The following CYFIP2 variants were observed in gnomAD, a reference collection of about 807,000 sequenced individuals.
CYFIP2 encodes cytoplasmic FMR1 interacting protein 2.
In CYFIP2, 29 loss-of-function variants were observed where a neutral mutation model predicts 158.7. The observed-to-expected ratio is 0.18, with a 90% CI of 0.14 to 0.25. The LOEUF (loss-of-function observed/expected upper bound fraction) is 0.25. Ranked by LOEUF, CYFIP2 falls within the 10% of genes least tolerant of loss-of-function variation. The pLI, the probability that CYFIP2 is intolerant of heterozygous loss-of-function variation, is 1.00. For synonymous variants in CYFIP2, 585 were observed against 617.6 expected (o/e 0.95, Z 0.78); for missense variants, 852 against 1,639.5 (o/e 0.52, Z 8.29).
intron 1 of CYFIP2, among the ~76,000 whole-genome samples, chr5:157,274,513 A>G (rs1292115236): frequency 6.6e-6 from 1 of 152,178 alleles, no homozygotes; most frequent in Non-Finnish European, 1.5e-5. Flanking sequence ...TAGCTATTAC[A>G]AATAATGGTG....
At chr5:157,270,972 T>C (rs2113803339) in intron 1 of CYFIP2, among the ~76,000 whole-genome samples, 1 of 152,298 alleles carries the variant, frequency 6.6e-6, no homozygotes, top group East Asian at 1.9e-4. Context: ...TTCTTAGCAA[T>C]CCAAAGAATT....
At chr5:157,392,110 T>A (rs1418814193) in intron 30 of CYFIP2, among the ~76,000 whole-genome samples, 2 of 152,204 alleles carry the variant, frequency 1.3e-5, no homozygotes, top group Admixed American at 1.3e-4. Flanking sequence ...TTTAATTGAG[T>A]CATTTTTGTT....
intron 2 of CYFIP2, among the ~76,000 whole-genome samples, chr5:157,285,930 T>C (rs1757340607): frequency 6.6e-6 from 1 of 152,226 alleles, no homozygotes; most frequent in Non-Finnish European, 1.5e-5. Flanking sequence ...GAGCAAAGCT[T>C]GTGATAAACC....
intron 28 of CYFIP2, among the ~76,000 whole-genome samples, chr5:157,388,367 CAAAG>C (rs1352041385): frequency 6.6e-6 from 1 of 152,136 alleles, no homozygotes; most frequent in Non-Finnish European, 1.5e-5. Flanking sequence ...TTGTAACTGT[CAAAG>C]AAGCACTTCT....
chr5:157,388,141 C>T (rs933970701), intron 28 of CYFIP2, among the ~76,000 whole-genome samples: 70 of 152,186 alleles, frequency 4.6e-4, no homozygotes, highest in African/African-American at 1.6e-3. Context: ...CCTTTTTTAG[C>T]TTTGTTCACA....
chr5:157,389,151 G>A, intron 28 of CYFIP2, 38 bp from the exon 29 acceptor site: 3 of 1,555,286 alleles, frequency 1.9e-6, no homozygotes, highest in Non-Finnish European at 1.7e-6. Context: ...TGGGCTCTAA[G>A]ATGTGGATAG....
intron 23 of CYFIP2, among the ~76,000 whole-genome samples, chr5:157,353,997 G>A (rs989201848): frequency 1.3e-5 from 2 of 152,120 alleles, no homozygotes; most frequent in Non-Finnish European, 2.9e-5. Flanking sequence ...TTTAAACATG[G>A]CTAAAATGGT....
chr5:157,275,854 G>A (rs995596451), intron 1 of CYFIP2, among the ~76,000 whole-genome samples: 1 of 152,114 alleles, frequency 6.6e-6, no homozygotes, highest in African/African-American at 2.4e-5. Flanking sequence ...CAGAGTGTAT[G>A]TTTTGTACTT....
At chr5:157,390,722 C>T in intron 30 of CYFIP2, 54 bp downstream of exon 30, 1 of 1,553,026 alleles carries the variant, frequency 6.4e-7, no homozygotes, top group Non-Finnish European at 8.7e-7. Context: ...GACAACCAGG[C>T]TTTTACCAGA....
intron 23 of CYFIP2, chr5:157,342,872 C>T (rs1762376278): frequency 1.9e-6 from 3 of 1,611,676 alleles, no homozygotes; most frequent in East Asian, 4.5e-5. Context: ...TCATTCCCCA[C>T]AATGAGGCAG....
chr5:157,275,924 G>A (rs1756507162), intron 1 of CYFIP2, among the ~76,000 whole-genome samples: 1 of 152,244 alleles, frequency 6.6e-6, no homozygotes, highest in African/African-American at 2.4e-5. Context: ...AAATAGAACT[G>A]TTTTCTCCAT....
intron 8 of CYFIP2, among the ~76,000 whole-genome samples, chr5:157,306,196 C>T (rs1759205472): frequency 6.6e-6 from 1 of 152,168 alleles, no homozygotes; most frequent in South Asian, 2.1e-4. Flanking sequence ...TGTTGGTGCT[C>T]CTGTTTTACA....
intron 3 of CYFIP2, among the ~76,000 whole-genome samples, chr5:157,292,559 T>G (rs1757912174): frequency 1.3e-5 from 2 of 152,322 alleles, no homozygotes; most frequent in East Asian, 3.9e-4. Flanking sequence ...GTAGCGTGTA[T>G]TGGTAGTTCG....
intron 23 of CYFIP2, among the ~76,000 whole-genome samples, chr5:157,352,802 A>C (rs948831827): frequency 6.6e-6 from 1 of 152,174 alleles, no homozygotes; most frequent in Non-Finnish European, 1.5e-5. Flanking sequence ...TGAGATGGGA[A>C]GATAATCCTG....
chr5:157,319,462 T>C (rs746267474), intron 13 of CYFIP2, among the ~76,000 whole-genome samples: 9 of 152,204 alleles, frequency 5.9e-5, no homozygotes, highest in Non-Finnish European at 1.2e-4. Flanking sequence ...TTGTCAGCAG[T>C]GAACAACAAA....
intron 26 of CYFIP2, among the ~76,000 whole-genome samples, chr5:157,368,210 A>AGAAGT (rs1764610647): frequency 6.6e-6 from 1 of 152,220 alleles, no homozygotes; most frequent in Non-Finnish European, 1.5e-5. Flanking sequence ...GGGGCACGGG[A>AGAAGT]GAAGTGTCTC....
intron 18 of CYFIP2, among the ~76,000 whole-genome samples, chr5:157,327,246 T>C: frequency 6.6e-6 from 1 of 152,184 alleles, no homozygotes; most frequent in East Asian, 1.9e-4. Flanking sequence ...AGGAAGGCGC[T>C]TTTAAATGTG....
intron 19 of CYFIP2, among the ~76,000 whole-genome samples, chr5:157,329,965 T>C (rs942258558): frequency 3.5e-4 from 53 of 152,260 alleles, no homozygotes; most frequent in African/African-American, 1.2e-3. Context: ...TTTTGCACCA[T>C]GCTCTCCAAC....
rs1220673624 is a variant in CYFIP2, at chr5:157,361,983, TTA to T, written c.3039+386_3039+387del. Among the ~76,000 whole-genome samples, 1 of 152,184 alleles carries T rather than the reference TTA, an allele frequency of 6.6e-6. No homozygotes were observed. Among genetic ancestry groups the T allele is most frequent in the Non-Finnish European group, 1.5e-5 (1 of 68,036 alleles). On this transcript the variant is annotated intron_variant, in intron 26 of 30. Coordinates refer to ENST00000620254, the MANE Select transcript of CYFIP2 (RefSeq NM_001037333.3). This position sits in a 1 kb window ranked among gnomAD's most constrained non-coding sequence, Gnocchi z 4.4. ...TCCAATGGCTTGCAAACAAGGGTTTTTAAAGGCAGGGGTAAATTTCAGGAAAG... is the reference window on the plus strand; with the variant it reads ...TCCAATGGCTTGCAAACAAGGGTTTTAAGGCAGGGGTAAATTTCAGGAAAG...
Sources: gnomAD v4.1 joint callset for allele counts (sites outside exome capture counted in the v4.1 genomes callset) on GRCh38, gnomAD v4.1.1 for gene constraint, Gnocchi (gnomAD v3.1) non-coding constraint, MANE v1.5 for transcripts, NCBI Gene and HGNC (gene_info 2026-07-23, HGNC 2026-07-21) for gene names.